The following ADCY8 variants were observed in gnomAD, a reference collection of about 807,000 sequenced individuals.
The protein encoded by ADCY8 is adenylate cyclase type 8.
Under a neutral mutation model 119.7 loss-of-function variants are expected in ADCY8, and 51 were observed. The observed-to-expected ratio is 0.43, with a 90% CI of 0.34 to 0.54. The LOEUF is 0.54. Among genes scored for constraint, ADCY8 ranks in the 20% least tolerant of loss-of-function variants. The pLI, the probability that ADCY8 is intolerant of heterozygous loss-of-function variation, is 0.03. For missense variants in ADCY8, 1,383 were observed against 1,598.8 expected (o/e 0.87, Z 2.30); for synonymous variants, 665 against 651.0 (o/e 1.02, Z -0.33).
chr8:130,937,804 A>G (rs966463584), intron 4 of ADCY8, among the ~76,000 whole-genome samples: 9 of 152,294 alleles, frequency 5.9e-5, no homozygotes, highest in Middle Eastern at 3.4e-3. Flanking sequence ...TAATAAGGCA[A>G]ACATTGTCCC....
chr8:131,026,139 T>C (rs1586666559), intron 1 of ADCY8, among the ~76,000 whole-genome samples: 1 of 152,160 alleles, frequency 6.6e-6, no homozygotes, highest in Non-Finnish European at 1.5e-5. Flanking sequence ...CATGTTAAAA[T>C]GCTAACCCTA....
intron 12 of ADCY8, among the ~76,000 whole-genome samples, chr8:130,829,398 T>C (rs2130236049): frequency 6.6e-6 from 1 of 152,102 alleles, no homozygotes; most frequent in African/African-American, 2.4e-5. Flanking sequence ...TTGTTTTAGA[T>C]TGTGAACTGT....
At chr8:130,966,339 C>T (rs1403958874) in intron 2 of ADCY8, among the ~76,000 whole-genome samples, 1 of 152,144 alleles carries the variant, frequency 6.6e-6, no homozygotes, top group Admixed American at 6.5e-5. Context: ...ATGGGTCAAA[C>T]AATGACTCCT....
chr8:130,877,793 G>A (rs1336457612), intron 8 of ADCY8, among the ~76,000 whole-genome samples: 1 of 152,076 alleles, frequency 6.6e-6, no homozygotes, highest in African/African-American at 2.4e-5. Context: ...ACATCTCAGA[G>A]GCCAAGGTGG....
intron 14 of ADCY8, among the ~76,000 whole-genome samples, chr8:130,812,621 A>T (rs190526): frequency 0.068 from 10,411 of 152,268 alleles, 494 homozygotes; most frequent in Non-Finnish European, 0.097. Flanking sequence ...CCAAGGAGAG[A>T]TTCTCCCCCA....
intron 5 of ADCY8, among the ~76,000 whole-genome samples, chr8:130,923,152 A>G (rs1037910364): frequency 6.6e-6 from 1 of 152,196 alleles, no homozygotes; most frequent in East Asian, 1.9e-4. Flanking sequence ...GAATTTAATG[A>G]CATTTTGGAA....
chr8:130,805,937 C>G (rs895808831), intron 14 of ADCY8, among the ~76,000 whole-genome samples: 1 of 152,134 alleles, frequency 6.6e-6, no homozygotes, highest in Non-Finnish European at 1.5e-5. Context: ...CTTTAGCACC[C>G]GGGCCCCACA....
chr8:130,875,717 C>A (rs1818536782), intron 8 of ADCY8, among the ~76,000 whole-genome samples: 1 of 152,138 alleles, frequency 6.6e-6, no homozygotes, highest in Non-Finnish European at 1.5e-5. Flanking sequence ...GTTTATGATT[C>A]ATTTTTCTTG....
intron 7 of ADCY8, among the ~76,000 whole-genome samples, chr8:130,899,583 G>A (rs1819527703): frequency 1.3e-5 from 2 of 151,938 alleles, no homozygotes; most frequent in African/African-American, 4.8e-5. Context: ...TCCAGCCTGG[G>A]CGACAGAGTG....
intron 12 of ADCY8, 120 bp from the exon 13 acceptor site, chr8:130,821,540 T>A: frequency 1.4e-6 from 1 of 709,968 alleles, no homozygotes; most frequent in Non-Finnish European, 2.4e-6. Flanking sequence ...TCAGCACCTA[T>A]TATGTGATAG....
intron 9 of ADCY8, among the ~76,000 whole-genome samples, chr8:130,851,316 C>G (rs1336385796): frequency 6.6e-6 from 1 of 151,976 alleles, no homozygotes; most frequent in Non-Finnish European, 1.5e-5. Flanking sequence ...AAACAAACAT[C>G]AACTGAAAAA....
At chr8:130,953,806 G>C (rs904160335) in intron 2 of ADCY8, among the ~76,000 whole-genome samples, 1 of 152,084 alleles carries the variant, frequency 6.6e-6, no homozygotes, top group East Asian at 1.9e-4. Context: ...CATGCAAAAG[G>C]CTTTATTAAT....
intron 11 of ADCY8, among the ~76,000 whole-genome samples, chr8:130,846,349 T>G (rs559345623): frequency 6.6e-6 from 1 of 152,282 alleles, no homozygotes; most frequent in African/African-American, 2.4e-5. Context: ...AACAGACCAC[T>G]GGCTCTGTGG....
At chr8:130,842,284 G>A (rs1243459719) in intron 11 of ADCY8, among the ~76,000 whole-genome samples, 1 of 152,010 alleles carries the variant, frequency 6.6e-6, no homozygotes, top group Non-Finnish European at 1.5e-5. Flanking sequence ...TTTATATTGA[G>A]GTTTTGAACC....
intron 12 of ADCY8, among the ~76,000 whole-genome samples, chr8:130,830,568 T>G (rs1816801414): frequency 6.6e-6 from 1 of 152,162 alleles, no homozygotes; most frequent in African/African-American, 2.4e-5. Context: ...TTTTGCCTAT[T>G]AAATCTCCAC....
At chr8:130,824,481 T>C (rs1352782874) in intron 12 of ADCY8, among the ~76,000 whole-genome samples, 1 of 152,204 alleles carries the variant, frequency 6.6e-6, no homozygotes, top group Non-Finnish European at 1.5e-5. Flanking sequence ...GTGTACCTAC[T>C]TATAATTGCT....
chr8:130,979,729 T>C (rs866704378), intron 2 of ADCY8, among the ~76,000 whole-genome samples: 14 of 152,180 alleles, frequency 9.2e-5, no homozygotes, highest in African/African-American at 3.1e-4. Flanking sequence ...ATTCACCCAC[T>C]TCATAGGATT....
At chr8:130,940,463 C>T (rs947311206) in intron 4 of ADCY8, among the ~76,000 whole-genome samples, 3 of 151,706 alleles carry the variant, frequency 2.0e-5, no homozygotes, top group Non-Finnish European at 4.4e-5. Context: ...CTTTGGATCC[C>T]AAATACATGG....
At chr8:130,927,868 C>T (rs1820519058) in intron 5 of ADCY8, among the ~76,000 whole-genome samples, 1 of 152,078 alleles carries the variant, frequency 6.6e-6, no homozygotes, top group Non-Finnish European at 1.5e-5. Flanking sequence ...AGTGGACATC[C>T]CTGTCTTTTT....
Sources: allele counts gnomAD v4.1 joint callset (sites outside exome capture counted in the v4.1 genomes callset), GRCh38; gene constraint gnomAD v4.1.1; transcripts MANE v1.5; gene names NCBI Gene and HGNC (gene_info 2026-07-23, HGNC 2026-07-21).